The following GUCY1A2 variants were observed in gnomAD, a reference collection of about 807,000 sequenced individuals.
GUCY1A2 encodes the protein guanylate cyclase soluble subunit alpha-2.
A neutral mutation model predicts 63.5 loss-of-function variants in GUCY1A2; 27 were observed. That is an observed-to-expected ratio of 0.43 (90% confidence interval 0.31 to 0.59). The LOEUF is 0.59. Ranked by LOEUF, GUCY1A2 falls within the 20% of genes least tolerant of loss-of-function variation. The probability of loss-of-function intolerance (pLI) is 0.11; values close to 1 mark genes in which losing one functional copy is unlikely to be tolerated. For missense variants in GUCY1A2, 768 were observed against 913.3 expected (o/e 0.84, Z 2.05); for synonymous variants, 364 against 343.5 (o/e 1.06, Z -0.66).
chr11:106,980,674 A>T (rs1224829534), intron 2 of GUCY1A2, among the ~76,000 whole-genome samples: 1 of 152,226 alleles, frequency 6.6e-6, no homozygotes, highest in Non-Finnish European at 1.5e-5. Flanking sequence ...AAAACAGAGC[A>T]ATCTGTCTAA....
At chr11:106,843,740 G>T (rs1321905753) in intron 4 of GUCY1A2, among the ~76,000 whole-genome samples, 1 of 151,880 alleles carries the variant, frequency 6.6e-6, no homozygotes, top group Non-Finnish European at 1.5e-5. Context: ...GTTGGTGACA[G>T]AGACACAACT....
chr11:106,908,650 C>T (rs1860248158), intron 4 of GUCY1A2, among the ~76,000 whole-genome samples: 1 of 151,840 alleles, frequency 6.6e-6, no homozygotes, highest in South Asian at 2.1e-4. Flanking sequence ...TTTAGAGCAA[C>T]TCTTAAATAA....
intron 5 of GUCY1A2, among the ~76,000 whole-genome samples, chr11:106,790,456 C>T (rs564660094): frequency 6.6e-6 from 1 of 152,324 alleles, no homozygotes; most frequent in Non-Finnish European, 1.5e-5. Flanking sequence ...GAATCAGGAA[C>T]CTCAATGGCC....
At chr11:106,947,482 T>C (rs1157324272) in intron 3 of GUCY1A2, among the ~76,000 whole-genome samples, 1 of 151,748 alleles carries the variant, frequency 6.6e-6, no homozygotes, top group Non-Finnish European at 1.5e-5. Flanking sequence ...TAAATGTTAA[T>C]AATAAAAACT....
intron 4 of GUCY1A2, among the ~76,000 whole-genome samples, chr11:106,818,714 T>G (rs1374792547): frequency 6.6e-6 from 1 of 152,026 alleles, no homozygotes; most frequent in African/African-American, 2.4e-5. Flanking sequence ...CGAATGAAAA[T>G]GAAAGGTTCT....
chr11:106,698,607 C>T (rs1862764488), intron 7 of GUCY1A2, among the ~76,000 whole-genome samples: 1 of 152,050 alleles, frequency 6.6e-6, no homozygotes, highest in Non-Finnish European at 1.5e-5. Flanking sequence ...AACCTGGGTA[C>T]ATTTGTCAAA....
chr11:106,826,885 T>C, intron 4 of GUCY1A2: 1 of 1,606,694 alleles, frequency 6.2e-7, no homozygotes. Flanking sequence ...CAGGCCACCA[T>C]CTTCTCCTAG....
chr11:106,842,670 G>A (rs1277608945), intron 4 of GUCY1A2, among the ~76,000 whole-genome samples: 3 of 151,868 alleles, frequency 2.0e-5, no homozygotes, highest in East Asian at 1.9e-4. Context: ...TATTTAGAGC[G>A]GAGCTTCTCA....
chr11:106,970,126 A>C (rs1274371154), intron 3 of GUCY1A2, among the ~76,000 whole-genome samples: 2 of 152,098 alleles, frequency 1.3e-5, no homozygotes, highest in African/African-American at 2.4e-5. Context: ...AGGAATCTTA[A>C]CTCAGGCAAG....
At chr11:106,931,184 A>C (rs1298893292) in intron 4 of GUCY1A2, among the ~76,000 whole-genome samples, 1 of 152,232 alleles carries the variant, frequency 6.6e-6, no homozygotes, top group African/African-American at 2.4e-5. Flanking sequence ...AGCAAACAAC[A>C]ATTAAGTATG....
chr11:106,758,071 G>A (rs1203404225), intron 6 of GUCY1A2, among the ~76,000 whole-genome samples: 1 of 152,176 alleles, frequency 6.6e-6, no homozygotes, highest in Admixed American at 6.5e-5. Context: ...AATCTAGAGA[G>A]GCAGTCAGCC....
chr11:106,916,858 C>T lies in GUCY1A2; in HGVS notation c.1206+22602G>A, dbSNP rs1302538309. 3.4e-5 allele frequency among the ~76,000 whole-genome samples: 5 copies of T among 145,566 alleles called. 1 individual carries two copies. In the East Asian group the frequency reaches 1.1e-3, roughly 31 times the overall value. ...TTTATAAACACTTGCAGAAATAAAA[C>T]ATTATCATGATATAAAAAATTAGAA... is the stretch of plus-strand genomic sequence containing the variant. On this transcript the variant is annotated intron_variant, in intron 4 of 7. Transcript: ENST00000526355.
intron 4 of GUCY1A2, among the ~76,000 whole-genome samples, chr11:106,920,199 G>A (rs983619423): frequency 2.6e-5 from 4 of 151,686 alleles, no homozygotes; most frequent in South Asian, 2.1e-4. Flanking sequence ...ACACCAAACC[G>A]AGAATGGTTA....
chr11:106,964,056 T>TAC (rs1192662732), intron 3 of GUCY1A2, among the ~76,000 whole-genome samples: 2 of 151,108 alleles, frequency 1.3e-5, no homozygotes, highest in Middle Eastern at 3.2e-3. Flanking sequence ...TACACACGTA[T>TAC]ACACACACAC....
chr11:106,969,163 A>AT (rs1390319696), intron 3 of GUCY1A2, among the ~76,000 whole-genome samples: 2 of 152,196 alleles, frequency 1.3e-5, no homozygotes, highest in Non-Finnish European at 2.9e-5. Flanking sequence ...TAACATCTTT[A>AT]TTGTGACACA....
intron 4 of GUCY1A2, among the ~76,000 whole-genome samples, chr11:106,871,247 T>C (rs1217309249): frequency 1.3e-5 from 2 of 152,160 alleles, no homozygotes; most frequent in Admixed American, 1.3e-4. Flanking sequence ...GATGAGTATA[T>C]TTTGATCTAA....
intron 1 of GUCY1A2, among the ~76,000 whole-genome samples, chr11:106,987,924 C>A (rs1861422683): frequency 6.6e-6 from 1 of 152,162 alleles, no homozygotes; most frequent in South Asian, 2.1e-4. Context: ...ATACCTACTG[C>A]ACATTAGCCA....
chr11:106,948,987 A>T (rs984645532), intron 3 of GUCY1A2, among the ~76,000 whole-genome samples: 1 of 152,320 alleles, frequency 6.6e-6, no homozygotes, highest in Non-Finnish European at 1.5e-5. Context: ...CAAACATATA[A>T]AAAAGATGTA....
intron 7 of GUCY1A2, among the ~76,000 whole-genome samples, chr11:106,695,207 A>G (rs80219592): frequency 0.037 from 5,669 of 152,136 alleles, 305 homozygotes; most frequent in East Asian, 0.15. Context: ...GTATGTGTAT[A>G]TGTCATTTTG....
Sources: gnomAD v4.1 joint callset for allele counts (sites outside exome capture counted in the v4.1 genomes callset) on GRCh38, gnomAD v4.1.1 for gene constraint, MANE v1.5 for transcripts, NCBI Gene and HGNC (gene_info 2026-07-23, HGNC 2026-07-21) for gene names.